Variants in ELAPOR2 observed in about 807,000 individuals in gnomAD.
ELAPOR2 encodes the protein endosome/lysosome-associated apoptosis and autophagy regulator family member 2.
In ELAPOR2, 89 loss-of-function variants were observed where a neutral mutation model predicts 120.7. The ratio of observed to expected loss-of-function variants is 0.74; its 90% CI spans 0.62 to 0.88. The LOEUF (loss-of-function observed/expected upper bound fraction) is 0.88. ELAPOR2 is among the 40% of genes least tolerant of loss of function. The pLI is 0.00. For missense variants in ELAPOR2, 1,134 were observed against 1,251.6 expected (o/e 0.91, Z 1.42); for synonymous variants, 444 against 444.9 (o/e 1.00, Z 0.03).
rs796801849 is a variant in ELAPOR2 at position 86,905,126 on chromosome 7, GGAAA to G, written c.2558+2540_2558+2543del. On this transcript the variant is annotated intron_variant, in intron 18 of 21. Coordinates refer to ENST00000450689, the MANE Select transcript of ELAPOR2 (RefSeq NM_001142749.3). ...AGGAAGGAAGGAAGGAAGGAAGGAA[GGAAA>G]GAAAGAAAAGAAAAGAAAGAAGAGA... Among the ~76,000 whole-genome samples the G allele has an allele frequency of 1.0e-3, 118 of 114,766 alleles. 2 individuals are homozygous for G. The highest frequency in any genetic ancestry group is 5.2e-3 in the Middle Eastern group (1 of 192). 75.3% of individuals were successfully genotyped at this position (114,766 alleles called of 152,430 possible).
chr7:86,938,994 G>T, intron 6 of ELAPOR2, 34 bp from the exon 7 acceptor site: 1 of 1,610,920 alleles, frequency 6.2e-7, no homozygotes, highest in Non-Finnish European at 8.5e-7. Context: ...CATGGGAGGG[G>T]GACCCAATAC....
chr7:86,899,677 C>A (rs1420200431), intron 18 of ELAPOR2, among the ~76,000 whole-genome samples: 1 of 152,184 alleles, frequency 6.6e-6, no homozygotes, highest in South Asian at 2.1e-4. Context: ...TTTTTACATG[C>A]CTATCTTTCC....
chr7:86,969,187 C>T (rs1309432143), intron 1 of ELAPOR2, among the ~76,000 whole-genome samples: 1 of 152,054 alleles, frequency 6.6e-6, no homozygotes, highest in African/African-American at 2.4e-5. Context: ...TGTTATCTTA[C>T]ACCAAAAACA....
intron 21 of ELAPOR2, among the ~76,000 whole-genome samples, chr7:86,888,015 G>A (rs188590231): frequency 6.6e-6 from 1 of 152,120 alleles, no homozygotes; most frequent in East Asian, 1.9e-4. Context: ...GGCTTCCTGG[G>A]TACAACTTCT....
chr7:86,918,596 T>C (rs1468630437), intron 11 of ELAPOR2, 52 bp from the exon 12 acceptor site: 1 of 1,131,706 alleles, frequency 8.8e-7, no homozygotes, highest in Non-Finnish European at 1.3e-6. Flanking sequence ...AAATACAATT[T>C]AGAATAAAAT....
intron 8 of ELAPOR2, among the ~76,000 whole-genome samples, chr7:86,927,697 A>G (rs1790137989): frequency 1.3e-5 from 2 of 152,050 alleles, no homozygotes; most frequent in African/African-American, 4.8e-5. Flanking sequence ...TTTTTAAACC[A>G]GAGATACCAA....
At chr7:86,950,081 G>A (rs999252206) in intron 2 of ELAPOR2, among the ~76,000 whole-genome samples, 1 of 152,176 alleles carries the variant, frequency 6.6e-6, no homozygotes, top group African/African-American at 2.4e-5. Context: ...TGAGGCCCAG[G>A]CCCATAAAAG....
chr7:87,037,397 A>G (rs1794621206), intron 1 of ELAPOR2, among the ~76,000 whole-genome samples: 1 of 151,834 alleles, frequency 6.6e-6, no homozygotes, highest in Admixed American at 6.6e-5. Context: ...TTTTATCTCA[A>G]TAAAAGACAG....
intron 1 of ELAPOR2, among the ~76,000 whole-genome samples, chr7:87,020,851 C>T (rs1007878441): frequency 1.3e-5 from 2 of 152,052 alleles, no homozygotes; most frequent in African/African-American, 4.8e-5. Flanking sequence ...TTTACCAAAT[C>T]ATTTCAATCG....
intron 1 of ELAPOR2, among the ~76,000 whole-genome samples, chr7:87,017,462 A>G (rs1793906905): frequency 6.6e-6 from 1 of 152,196 alleles, no homozygotes; most frequent in African/African-American, 2.4e-5. Context: ...ATAAAAATGA[A>G]TTTTTATTAA....
intron 1 of ELAPOR2, among the ~76,000 whole-genome samples, chr7:87,007,326 A>G (rs1159971943): frequency 6.6e-6 from 1 of 152,226 alleles, no homozygotes; most frequent in Non-Finnish European, 1.5e-5. Flanking sequence ...TACACTGAGT[A>G]TAACTGAAAC....
At chr7:87,045,516 C>T (rs1794924111) in intron 1 of ELAPOR2, among the ~76,000 whole-genome samples, 1 of 150,824 alleles carries the variant, frequency 6.6e-6, no homozygotes, top group Non-Finnish European at 1.5e-5. Flanking sequence ...GAACAAAAAA[C>T]CAAACACCAC....
At chr7:86,980,670 C>T (rs1208301447) in intron 1 of ELAPOR2, among the ~76,000 whole-genome samples, 1 of 152,020 alleles carries the variant, frequency 6.6e-6, no homozygotes, top group African/African-American at 2.4e-5. Flanking sequence ...TGCCTCCTTC[C>T]TGTGGGTCTC....
At chr7:86,910,046 T>C in intron 15 of ELAPOR2, 45 bp from the exon 16 acceptor site, 1 of 1,455,200 alleles carries the variant, frequency 6.9e-7, no homozygotes, top group African/African-American at 1.4e-5. Flanking sequence ...TGGATGTCAA[T>C]CTCTAAACTT....
rs753879741 is a variant in ELAPOR2, at chr7:86,912,238, G to A, written c.2003C>T (p.Ser668Leu). The A allele has an allele frequency of 1.4e-5, 22 of 1,584,700 alleles. No homozygotes were observed. Among genetic ancestry groups the A allele is most frequent in the African/African-American group, 2.7e-5 (2 of 74,476 alleles). The change falls in exon 15 of 22, where the codon TCG becomes TTG. Residue 668 changes from serine to leucine, a missense_variant. By Grantham distance (145) the Ser-to-Leu change is moderately radical. Around this residue, in one of 3 missense-constraint regions of ELAPOR2, gnomAD observed 831 missense variants for 867.6 expected, o/e 0.96. Transcript: ENST00000450689. The stretch of plus-strand genomic sequence containing the variant: ...GAAAAAGCAGTCACTATAGCAAACC[G>A]AATGGTCCTTTGATTAAAGATAAAG... ...GPGSKNNQDHSVCYSDCFFYH... is the reference protein window; with the variant it reads ...GPGSKNNQDHLVCYSDCFFYH...
rs565281153 is a variant in ELAPOR2 at position 86,918,577 on chromosome 7, C to A, written c.1491-33G>T. 38 of 1,247,010 alleles carry A rather than the reference C, an allele frequency of 3.0e-5. 1 individual carries two copies. The Admixed American group carries it at 5.8e-4, about 19-fold the overall frequency. 77.2% of individuals were successfully genotyped at this position (1,247,010 alleles called of 1,614,324 possible). A position where few individuals can be genotyped will look rare whatever the true frequency, so the allele number is the denominator to read the frequency against. ...ACAGATTAAAATGGCAATATTTATA[C>A]TATGTTCTAAATACAATTTAGAATA... On this transcript the variant is annotated intron_variant, in intron 11 of 21. Coordinates refer to ENST00000450689, the MANE Select transcript of ELAPOR2 (RefSeq NM_001142749.3).
chr7:86,939,050 G>A (rs539024368), intron 6 of ELAPOR2, 90 bp from the exon 7 acceptor site: 1,279 of 1,406,734 alleles, frequency 9.1e-4, no homozygotes, highest in Non-Finnish European at 1.2e-3. Context: ...CAGAAGTGAG[G>A]GAGATATATG....
intron 21 of ELAPOR2, among the ~76,000 whole-genome samples, chr7:86,881,916 T>C (rs980651433): frequency 6.6e-6 from 1 of 152,222 alleles, no homozygotes; most frequent in Non-Finnish European, 1.5e-5. Context: ...AAGTCGACAT[T>C]GAGTAGCTGT....
chr7:86,885,732 T>C (rs1462588351), intron 21 of ELAPOR2, among the ~76,000 whole-genome samples: 5 of 152,080 alleles, frequency 3.3e-5, no homozygotes, highest in African/African-American at 1.2e-4. Flanking sequence ...ATAAGAGGAT[T>C]TGAGCAAGGT....
Sources: allele counts gnomAD v4.1 joint callset (sites outside exome capture counted in the v4.1 genomes callset), GRCh38; gene constraint gnomAD v4.1.1; regional missense constraint gnomAD v4.1.1; transcripts MANE v1.5; gene names NCBI Gene and HGNC (gene_info 2026-07-23, HGNC 2026-07-21).